The following GXYLT1 variants were observed in gnomAD, a reference collection of about 807,000 sequenced individuals.
GXYLT1 encodes the protein glycosyltransferase 8 domain containing 3.
In GXYLT1, 29 loss-of-function variants were observed where a neutral mutation model predicts 54.0. The observed-to-expected ratio is 0.54, with a 90% confidence interval of 0.40 to 0.73. The LOEUF (loss-of-function observed/expected upper bound fraction) is 0.73, where lower values mean the gene tolerates loss of function less well. Ranked by LOEUF, GXYLT1 falls within the 30% of genes least tolerant of loss-of-function variation. The pLI is 0.00. For synonymous variants in GXYLT1, 176 were observed against 204.1 expected (o/e 0.86, Z 1.17); for missense variants, 490 against 553.4 (o/e 0.89, Z 1.15).
chr12:42,128,188 G>A (rs994322183), intron 2 of GXYLT1, among the ~76,000 whole-genome samples: 2 of 152,120 alleles, frequency 1.3e-5, no homozygotes, highest in African/African-American at 2.4e-5. Context: ...AAGATCTACT[G>A]CACAGCAAGG....
Position 42,097,570 on chromosome 12 carries a change from G to C in GXYLT1, c.1033C>G (p.His345Asp). 6.2e-7 allele frequency: 1 copy of C among 1,608,920 alleles called. No individual in the cohort carries two copies. Among genetic ancestry groups the C allele is most frequent in the Non-Finnish European group, 8.5e-7 (1 of 1,178,558 alleles). Residue 345 changes from histidine (H) to aspartate (D), a missense_variant, in exon 7 of 8, where the codon CAT (histidine) becomes GAT (aspartate). Physicochemically the swap from His to Asp is moderately conservative, Grantham distance 81. Around this residue, in one of 2 missense-constraint regions of GXYLT1, gnomAD observed 342 missense variants for 342.6 expected, o/e 1.00. Transcript: ENST00000398675. ...FPCQWNYRPD[H>D]CIYGSNCQEA... is the part of the protein sequence containing the mutation. ...TGGCAATTGCTTCCATATATACAATGATCTGGTCGATAATTCCATTGACAC... is the reference window on the plus strand; with the variant it reads ...TGGCAATTGCTTCCATATATACAATCATCTGGTCGATAATTCCATTGACAC...
At position 42,105,819 on chromosome 12, in the gene GXYLT1, T is replaced by C. The variant is rs776766704; in HGVS notation, c.863A>G (p.Lys288Arg). 4 of 1,609,820 alleles carry C rather than the reference T, an allele frequency of 2.5e-6. No homozygotes were observed. In the African/African-American group the frequency reaches 5.3e-5, roughly 22 times the overall value. The change falls in exon 5 of 8, where the codon AAG (lysine) becomes AGG (arginine). Residue 288 changes from lysine to arginine, a missense_variant and splice_region_variant. By Grantham distance (26) the Lys-to-Arg change is conservative. Transcript: ENST00000398675. ...CAACTACCTGTATTAGTGACTTACC[T>C]TGAAATACTTCCTTCTCATTCGAGT... is the stretch of plus-strand genomic sequence containing the variant. ...NMTRMRRKYFKNDMTTVRLQW... is the reference protein window; with the variant it reads ...NMTRMRRKYFRNDMTTVRLQW...
At chr12:42,095,160 G>A (rs961443447) in intron 7 of GXYLT1, among the ~76,000 whole-genome samples, 54 of 152,260 alleles carry the variant, frequency 3.5e-4, no homozygotes, top group Non-Finnish European at 1.8e-4. Context: ...CTCTGTTGAC[G>A]AGGATGTGGG....
intron 4 of GXYLT1, 101 bp from the exon 5 acceptor site, chr12:42,106,170 TTTATA>T: frequency 1.4e-6 from 1 of 708,144 alleles, no homozygotes; most frequent in Non-Finnish European, 2.3e-6. Context: ...GATTAGCTAA[TTTATA>T]TTATTTTATT....
intron 7 of GXYLT1, among the ~76,000 whole-genome samples, chr12:42,096,283 T>A (rs374263249): frequency 1.1e-4 from 16 of 152,248 alleles, no homozygotes; most frequent in African/African-American, 3.6e-4. Context: ...CAGAGCTCCT[T>A]TGACAGATGA....
chr12:42,139,436 G>A (rs938502932), intron 1 of GXYLT1, among the ~76,000 whole-genome samples: 1 of 152,086 alleles, frequency 6.6e-6, no homozygotes, highest in Non-Finnish European at 1.5e-5. Flanking sequence ...TAGATGATTA[G>A]GTCATGAGAG....
intron 1 of GXYLT1, among the ~76,000 whole-genome samples, chr12:42,140,365 C>A (rs2065645315): frequency 6.6e-6 from 1 of 151,554 alleles, no homozygotes; most frequent in Non-Finnish European, 1.5e-5. Flanking sequence ...GCCCAATGAC[C>A]AGAATTTTTC....
At chr12:42,130,076 A>T (rs1351702149) in intron 1 of GXYLT1, among the ~76,000 whole-genome samples, 3 of 152,234 alleles carry the variant, frequency 2.0e-5, no homozygotes, top group Non-Finnish European at 4.4e-5. Context: ...TATACTATAG[A>T]TTGGGAAACA....
intron 5 of GXYLT1, among the ~76,000 whole-genome samples, chr12:42,102,620 T>C (rs970625606): frequency 4.6e-5 from 7 of 151,994 alleles, no homozygotes; most frequent in Non-Finnish European, 1.0e-4. Context: ...AAATAATATA[T>C]AGAAAGCTGA....
intron 1 of GXYLT1, among the ~76,000 whole-genome samples, chr12:42,142,233 T>C (rs916149429): frequency 6.6e-6 from 1 of 152,200 alleles, no homozygotes; most frequent in African/African-American, 2.4e-5. Flanking sequence ...ATACAGTTTC[T>C]AATCCTCCTC....
At chr12:42,092,390 T>C (rs562735207) in intron 7 of GXYLT1, among the ~76,000 whole-genome samples, 1 of 152,072 alleles carries the variant, frequency 6.6e-6, no homozygotes, top group Admixed American at 6.5e-5. Flanking sequence ...AGCAGTGAAA[T>C]AGCTAACATG....
chr12:42,082,084 A>G lies in GXYLT1; in HGVS notation c.*5702T>C, dbSNP rs1477168160. On this transcript the variant is annotated 3_prime_UTR_variant, in exon 8 of 8. Transcript: ENST00000398675. ...AACATTTTAAGATAAAGAGCAGTGT[A>G]AGAGTAGTATTCTCTACATACCACA... 1 of 152,256 alleles carries G rather than the reference A, an allele frequency of 6.6e-6. No individual in the cohort carries two copies. Among genetic ancestry groups the G allele is most frequent in the Non-Finnish European group, 1.5e-5 (1 of 68,040 alleles). 9.4% of individuals were successfully genotyped at this position (152,256 alleles called of 1,614,324 possible).
intron 1 of GXYLT1, among the ~76,000 whole-genome samples, chr12:42,141,611 T>C (rs1024369544): frequency 1.3e-5 from 2 of 152,312 alleles, no homozygotes; most frequent in African/African-American, 2.4e-5. Context: ...TTTCTCAATG[T>C]ATATGTATGT....
chr12:42,126,204 G>C (rs1481027652), intron 2 of GXYLT1, among the ~76,000 whole-genome samples: 3 of 151,862 alleles, frequency 2.0e-5, no homozygotes, highest in Non-Finnish European at 4.4e-5. Context: ...CTCCCAAGTA[G>C]CTTGAACTAA....
At chr12:42,111,882 C>A (rs2065458942) in intron 3 of GXYLT1, among the ~76,000 whole-genome samples, 1 of 152,182 alleles carries the variant, frequency 6.6e-6, no homozygotes, top group Non-Finnish European at 1.5e-5. Context: ...CTGGGAGGCA[C>A]CCCACTGTAG....
intron 7 of GXYLT1, among the ~76,000 whole-genome samples, chr12:42,088,712 G>C (rs912562151): frequency 3.3e-5 from 5 of 152,186 alleles, no homozygotes; most frequent in Admixed American, 3.3e-4. Flanking sequence ...TTGTGATTTA[G>C]TATTTTCAAC....
At chr12:42,097,147 A>G (rs915450610) in intron 7 of GXYLT1, among the ~76,000 whole-genome samples, 3 of 152,116 alleles carry the variant, frequency 2.0e-5, no homozygotes, top group African/African-American at 7.2e-5. Context: ...TGGTTAATAA[A>G]AGAGCGTCCT....
intron 7 of GXYLT1, among the ~76,000 whole-genome samples, chr12:42,090,916 C>A (rs1276468755): frequency 6.6e-6 from 1 of 152,162 alleles, no homozygotes; most frequent in African/African-American, 2.4e-5. Context: ...CATTTTTATT[C>A]ACTCAACAAC....
In GXYLT1 at chr12:42,083,030, C is replaced by G. The variant is rs1466078165; in HGVS notation, c.*4756G>C. The G allele has an allele frequency of 6.6e-6, 1 of 152,118 alleles. No homozygotes were observed. The highest frequency in any genetic ancestry group is 1.5e-5 in the Non-Finnish European group (1 of 68,024). The allele number at this position is 152,118 out of a possible 1,614,324, so 9.4% of individuals were successfully genotyped here. A position where few individuals can be genotyped will look rare whatever the true frequency, so the allele number is the denominator to read the frequency against. On this transcript the variant is annotated 3_prime_UTR_variant, in exon 8 of 8. Transcript: ENST00000398675. ...ATCTTTTCAAAGTCCCATTAAACAT[C>G]TGAAATTATTGGTAGAAATGAGGTG...
Sources: allele counts gnomAD v4.1 joint callset (sites outside exome capture counted in the v4.1 genomes callset), GRCh38; gene constraint gnomAD v4.1.1; regional missense constraint gnomAD v4.1.1; transcripts MANE v1.5; gene names NCBI Gene and HGNC (gene_info 2026-07-23, HGNC 2026-07-21).